Variants in DNAH8 observed in about 807,000 individuals in gnomAD.
The protein encoded by DNAH8 is axonemal beta dynein heavy chain 8.
DNAH8 carries 382 observed loss-of-function variants against 562.1 expected under a neutral mutation model. The ratio of observed to expected loss-of-function variants is 0.68; its 90% CI spans 0.63 to 0.74. DNAH8 has a LOEUF of 0.74. DNAH8 is among the 30% of genes least tolerant of loss of function. The pLI, the probability that DNAH8 is intolerant of heterozygous loss-of-function variation, is 0.00. For missense variants in DNAH8, 5,203 were observed against 5,620.4 expected (o/e 0.93, Z 2.37); for synonymous variants, 1,881 against 1,919.4 (o/e 0.98, Z 0.52).
At chr6:38,745,036 T>G (rs1764815162) in intron 8 of DNAH8, among the ~76,000 whole-genome samples, 1 of 152,338 alleles carries the variant, frequency 6.6e-6, no homozygotes, top group African/African-American at 2.4e-5. Context: ...GCTCTTTATC[T>G]GAACATCTCT....
At chr6:38,856,065 C>T (rs1776172545) in intron 41 of DNAH8, among the ~76,000 whole-genome samples, 1 of 152,202 alleles carries the variant, frequency 6.6e-6, no homozygotes, top group East Asian at 1.9e-4. Context: ...AGTCCTCCTA[C>T]CTGGCTATAA....
chr6:39,008,845 G>C lies in DNAH8; in HGVS notation c.13246G>C (p.Glu4416Gln), dbSNP rs763309459. 6.2e-7 allele frequency: 1 copy of C among 1,608,696 alleles called. No homozygotes were observed. The highest frequency in any genetic ancestry group is 8.5e-7 in the Non-Finnish European group (1 of 1,175,460). Reference sequence around the variant, plus strand: ...GAGTAACACTGCTTCTGCTGTTCTTGAAACAATTACCAACATTCAACCCAA... The same window carrying C: ...GAGTAACACTGCTTCTGCTGTTCTTCAAACAATTACCAACATTCAACCCAA... ...YQSNTASAVLETITNIQPKES... is the reference protein window; with the variant it reads ...YQSNTASAVLQTITNIQPKES... The change falls in exon 89 of 93, where the codon GAA (glutamate) becomes CAA (glutamine). Residue 4416 changes from glutamate (E) to glutamine (Q), a missense_variant. By Grantham distance (29) the Glu-to-Gln change is conservative. Transcript: ENST00000327475.
chr6:38,949,070 C>T (rs1359938647), intron 80 of DNAH8, among the ~76,000 whole-genome samples: 3 of 152,046 alleles, frequency 2.0e-5, no homozygotes, highest in Admixed American at 2.0e-4. Context: ...GTGCTACTGG[C>T]ATCTAGTGGA....
chr6:38,799,145 G>C (rs1390811349), intron 21 of DNAH8, among the ~76,000 whole-genome samples: 1 of 152,176 alleles, frequency 6.6e-6, no homozygotes, highest in Non-Finnish European at 1.5e-5. Context: ...ATATGGCTTT[G>C]ATGGAGTGAC....
At chr6:38,849,410 G>A (rs1473311098) in intron 37 of DNAH8, among the ~76,000 whole-genome samples, 1 of 152,044 alleles carries the variant, frequency 6.6e-6, no homozygotes, top group Admixed American at 6.6e-5. Flanking sequence ...CAGCTCTATT[G>A]GGGCCTTTTA....
chr6:38,862,292 G>C lies in DNAH8; in HGVS notation c.6144G>C (p.Thr2048=). 2 of 1,613,080 alleles carry C rather than the reference G, an allele frequency of 1.2e-6. No individual in the cohort carries two copies. The highest frequency in any genetic ancestry group is 1.6e-4 in the Middle Eastern group (1 of 6,084). The change falls in exon 44 of 93, where the codon ACG becomes ACC. Residue 2048 remains threonine (T), a synonymous_variant. Coordinates refer to ENST00000327475, the MANE Select transcript of DNAH8 (RefSeq NM_001206927.2). ...TGAACATTTGCAGATGCTATATCAC[G>C]TTAGCTCAGGCCTTGGGCATGAACA... ...ITPLTDRCYI[T]LAQALGMNMG...
intron 17 of DNAH8, 100 bp from the exon 18 acceptor site, chr6:38,786,665 C>G: frequency 8.0e-7 from 1 of 1,245,544 alleles, no homozygotes. Flanking sequence ...CCTTTGCCCT[C>G]AAGAAGTTAG....
chr6:38,882,794 C>A, intron 53 of DNAH8, 116 bp from the exon 54 acceptor site: 1 of 683,878 alleles, frequency 1.5e-6, no homozygotes, highest in Non-Finnish European at 2.3e-6. Context: ...TTTAGGAAAA[C>A]ATTTTGAATG....
At chr6:38,951,830 AG>A (rs1730085176) in intron 82 of DNAH8, among the ~76,000 whole-genome samples, 1 of 152,202 alleles carries the variant, frequency 6.6e-6, no homozygotes, top group Non-Finnish European at 1.5e-5. Flanking sequence ...CAATAGCCAA[AG>A]TTTATGTTAT....
intron 88 of DNAH8, among the ~76,000 whole-genome samples, chr6:38,994,594 A>G (rs1765010045): frequency 6.6e-6 from 1 of 151,680 alleles, no homozygotes; most frequent in Non-Finnish European, 1.5e-5. Flanking sequence ...AGTATGGATG[A>G]AATTCTTTTT....
intron 24 of DNAH8, among the ~76,000 whole-genome samples, chr6:38,812,662 C>A (rs1328481568): frequency 6.6e-6 from 1 of 151,964 alleles, no homozygotes; most frequent in African/African-American, 2.4e-5. Flanking sequence ...TCTTGAAATT[C>A]ACAAATTGTA....
chr6:38,867,852 ACTTGAT>A (rs1777170052), intron 47 of DNAH8, among the ~76,000 whole-genome samples: 1 of 152,020 alleles, frequency 6.6e-6, no homozygotes, highest in Non-Finnish European at 1.5e-5. Context: ...GTGAATACTT[ACTTGAT>A]CTTGCAGCTT....
chr6:38,894,922 T>C (rs1487554168), intron 59 of DNAH8, 58 bp downstream of exon 59: 7 of 1,477,456 alleles, frequency 4.7e-6, no homozygotes, highest in Non-Finnish European at 6.3e-6. Flanking sequence ...TACTACTTGG[T>C]TAATTTTTTT....
At chr6:38,768,914 G>A (rs1767290691) in intron 11 of DNAH8, among the ~76,000 whole-genome samples, 1 of 152,044 alleles carries the variant, frequency 6.6e-6, no homozygotes, top group Non-Finnish European at 1.5e-5. Context: ...TTGGGAATAG[G>A]AGTCAGAAAT....
chr6:38,834,621 A>G lies in DNAH8; in HGVS notation c.4345A>G (p.Asn1449Asp). The change falls in exon 32 of 93, where the codon AAC (asparagine) becomes GAC (aspartate). Residue 1449 changes from asparagine (N) to aspartate (D), a missense_variant. By Grantham distance (23) the Asn-to-Asp change is conservative. This residue lies in a region of DNAH8 where 2,176 missense variants were observed against 2,365.1 expected (regional missense o/e 0.92). Transcript: ENST00000327475. ...AAATATACCACCCCAAGAAGCTAGC[A>G]ACAGGCTACAGATATTTCAGGTGAA... Reference protein sequence around the residue: ...VPNIPPQEASNRLQIFQASFD... With the variant: ...VPNIPPQEASDRLQIFQASFD... The G allele has an allele frequency of 6.2e-7, 1 of 1,608,610 alleles. No homozygotes were observed. The highest frequency in any genetic ancestry group is 8.5e-7 in the Non-Finnish European group (1 of 1,177,342).
chr6:38,715,948 A>G lies in DNAH8; in HGVS notation c.-35+533A>G, dbSNP rs1405507117. Among the ~76,000 whole-genome samples, 4 of 28,220 alleles carry G rather than the reference A, an allele frequency of 1.4e-4. 1 individual carries two copies. The highest frequency in any genetic ancestry group is 8.1e-4 in the Admixed American group (2 of 2,466). 18.5% of individuals were successfully genotyped at this position (28,220 alleles called of 152,430 possible). On this transcript the variant is annotated intron_variant, in intron 1 of 92. Coordinates refer to ENST00000327475, the MANE Select transcript of DNAH8 (RefSeq NM_001206927.2). ...TAAATATATATATATATATATATAT[A>G]TATATATATATATTTTTTTTTTTTT... is the stretch of plus-strand genomic sequence containing the variant.
intron 3 of DNAH8, among the ~76,000 whole-genome samples, chr6:38,725,304 TATA>T (rs10526350): frequency 0.016 from 2,230 of 135,368 alleles, 34 homozygotes; most frequent in South Asian, 0.049. Context: ...CTCCAACTCA[TATA>T]ATAATAATAA....
intron 91 of DNAH8, among the ~76,000 whole-genome samples, chr6:39,025,162 G>A (rs1435608878): frequency 6.6e-6 from 1 of 152,186 alleles, no homozygotes; most frequent in African/African-American, 2.4e-5. Flanking sequence ...ATGTGTGTGT[G>A]TGTGCTGTTC....
At chr6:38,945,864 T>A (rs1761373038) in intron 80 of DNAH8, among the ~76,000 whole-genome samples, 1 of 152,154 alleles carries the variant, frequency 6.6e-6, no homozygotes, top group South Asian at 2.1e-4. Flanking sequence ...TCAGAACCAG[T>A]AGATGGACCC....
Sources: allele counts gnomAD v4.1 joint callset (sites outside exome capture counted in the v4.1 genomes callset), GRCh38; gene constraint gnomAD v4.1.1; regional missense constraint gnomAD v4.1.1; transcripts MANE v1.5; gene names NCBI Gene and HGNC (gene_info 2026-07-23, HGNC 2026-07-21).